The following DYNC2H1 variants were observed in gnomAD, a reference collection of about 807,000 sequenced individuals.
DYNC2H1 encodes the protein dynein cytoplasmic 2 heavy chain 1, also known as cytoplasmic dynein 2 heavy chain 1.
A neutral mutation model predicts 570.0 loss-of-function variants in DYNC2H1; 410 were observed. The ratio of observed to expected loss-of-function variants is 0.72; its 90% CI spans 0.66 to 0.78. DYNC2H1 has a LOEUF of 0.78. DYNC2H1 is among the 30% of genes least tolerant of loss of function. DYNC2H1 has a pLI of 0.00. For missense variants in DYNC2H1, 4,865 were observed against 5,046.4 expected (o/e 0.96, Z 1.09); for synonymous variants, 1,688 against 1,677.6 (o/e 1.01, Z -0.15).
chr11:103,392,022 G>A (rs921505996), intron 83 of DYNC2H1, among the ~76,000 whole-genome samples: 6 of 152,342 alleles, frequency 3.9e-5, no homozygotes, highest in African/African-American at 1.2e-4. Context: ...TCTCTTCAAA[G>A]CTGTCAGACA....
At chr11:103,358,393 T>C in intron 83 of DYNC2H1, 34 bp downstream of exon 83, 1 of 1,409,956 alleles carries the variant, frequency 7.1e-7, no homozygotes, top group Non-Finnish European at 9.8e-7. Context: ...ATTCTTTTGC[T>C]TTTTCTCCCG....
At position 103,157,630 on chromosome 11, in the gene DYNC2H1, A is replaced by G. The variant is rs770497738; in HGVS notation, c.4127+860A>G. Reference sequence around the variant, plus strand: ...TGTACAGAAGTATATCTGTACTTCTATTCTAATGTTCTGTATCTCTTACTT... The same window carrying G: ...TGTACAGAAGTATATCTGTACTTCTGTTCTAATGTTCTGTATCTCTTACTT... On this transcript the variant is annotated intron_variant, in intron 26 of 88. Coordinates refer to ENST00000375735, the MANE Select transcript of DYNC2H1 (RefSeq NM_001377.3). The surrounding 1 kb of genome is among the most constrained non-coding windows in gnomAD (Gnocchi z 4.2). Among the ~76,000 whole-genome samples, 1 of 152,218 alleles carries G rather than the reference A, an allele frequency of 6.6e-6. No homozygotes were observed. Among genetic ancestry groups the G allele is most frequent in the Non-Finnish European group, 1.5e-5 (1 of 68,020 alleles).
chr11:103,116,177 GGTT>G (rs1280326140), intron 4 of DYNC2H1, among the ~76,000 whole-genome samples: 1 of 152,014 alleles, frequency 6.6e-6, no homozygotes, highest in Non-Finnish European at 1.5e-5. Context: ...TCTGGACTGT[GGTT>G]GTGTTATTCT....
intron 75 of DYNC2H1, among the ~76,000 whole-genome samples, chr11:103,300,959 A>G (rs1867022223): frequency 6.6e-6 from 1 of 151,914 alleles, no homozygotes; most frequent in African/African-American, 2.4e-5. Flanking sequence ...ATTGTATAAT[A>G]CATGGTAATT....
chr11:103,139,902 T>A (rs1332743754), intron 17 of DYNC2H1, among the ~76,000 whole-genome samples: 1 of 152,236 alleles, frequency 6.6e-6, no homozygotes, highest in Non-Finnish European at 1.5e-5. Flanking sequence ...GGTGCTCCTG[T>A]ATTGAGTGCA....
In DYNC2H1 at chr11:103,275,661, TA is replaced by T; in HGVS notation, c.10696-4685del. 6.6e-6 allele frequency among the ~76,000 whole-genome samples: 1 copy of T among 152,218 alleles called. No individual in the cohort carries two copies. The highest frequency in any genetic ancestry group is 1.9e-4 in the East Asian group (1 of 5,200). On this transcript the variant is annotated intron_variant, in intron 70 of 88. Coordinates refer to ENST00000375735, the MANE Select transcript of DYNC2H1 (RefSeq NM_001377.3). This position sits in a 1 kb window ranked among gnomAD's most constrained non-coding sequence, Gnocchi z 4.8. Reference sequence around the variant, plus strand: ...CTTCTTTCACTTACTATTGTACGTTTAAGGTTCTTTCATGTTTTTTTCATGG... The same window carrying T: ...CTTCTTTCACTTACTATTGTACGTTTAGGTTCTTTCATGTTTTTTTCATGG...
At chr11:103,180,476 T>G (rs1591369047) in intron 39 of DYNC2H1, among the ~76,000 whole-genome samples, 1 of 151,654 alleles carries the variant, frequency 6.6e-6, no homozygotes, top group Non-Finnish European at 1.5e-5. Context: ...TGAAAATTGT[T>G]GGTGAATCAG....
In DYNC2H1 at chr11:103,113,686, A is replaced by G. The variant is rs768564016; in HGVS notation, c.345A>G (p.Val115=). 2 of 1,541,726 alleles carry G rather than the reference A, an allele frequency of 1.3e-6. No homozygotes were observed. Among genetic ancestry groups the G allele is most frequent in the Non-Finnish European group, 1.7e-6 (2 of 1,153,820 alleles). The change falls in exon 2 of 89, where the codon GTA becomes GTG. Residue 115 remains valine, a synonymous_variant. Transcript: ENST00000375735. ...ISSLYQAVRQ[V]FAPMLLKDQE... is the part of the protein sequence containing the mutation. ...CTCTTTACCAAGCAGTACGGCAAGT[A>G]TTCGCACCAATGTTGTTAAAGGTGA...
At chr11:103,258,352 A>T (rs72971590) in intron 69 of DYNC2H1, among the ~76,000 whole-genome samples, 165 of 152,354 alleles carry the variant, frequency 1.1e-3, no homozygotes, top group Non-Finnish European at 2.1e-3. Flanking sequence ...ACCACCTCCC[A>T]TATATGCACA....
At chr11:103,282,117 G>T in intron 71 of DYNC2H1, 62 bp from the exon 72 acceptor site, 1 of 1,503,054 alleles carries the variant, frequency 6.7e-7, no homozygotes, top group South Asian at 1.2e-5. Context: ...AGGAAAGTTA[G>T]ACAATTTTGT....
intron 78 of DYNC2H1, among the ~76,000 whole-genome samples, chr11:103,308,161 A>G (rs547796278): frequency 2.0e-5 from 3 of 152,316 alleles, no homozygotes; most frequent in East Asian, 1.9e-4. Flanking sequence ...TTGAAACTCT[A>G]TGACCATTGA....
intron 63 of DYNC2H1, among the ~76,000 whole-genome samples, chr11:103,240,567 C>CT (rs1400804729): frequency 2.0e-5 from 3 of 152,114 alleles, no homozygotes; most frequent in Non-Finnish European, 4.4e-5. Flanking sequence ...TGTCTCTTTA[C>CT]TTTTTTATTC....
At chr11:103,141,586 G>A (rs538822088) in intron 17 of DYNC2H1, among the ~76,000 whole-genome samples, 4 of 152,242 alleles carry the variant, frequency 2.6e-5, no homozygotes, top group East Asian at 1.9e-4. Flanking sequence ...AGGAGTACCC[G>A]GCCGTCTGAG....
intron 79 of DYNC2H1, among the ~76,000 whole-genome samples, chr11:103,316,279 A>G (rs1001930170): frequency 7.9e-5 from 12 of 152,006 alleles, no homozygotes; most frequent in Admixed American, 3.3e-4. Context: ...AAAATGTAGT[A>G]TATCAGTTTG....
rs1196670330 is a variant in DYNC2H1, at chr11:103,133,667, A to G, written c.2066A>G (p.Asn689Ser). The G allele has an allele frequency of 3.1e-6, 5 of 1,612,634 alleles. No homozygotes were observed. In the Admixed American group the frequency reaches 8.4e-5, roughly 27 times the overall value. Residue 689 changes from asparagine to serine, a missense_variant, in exon 14 of 89, where the codon AAT (asparagine) becomes AGT (serine). By Grantham distance (46) the Asn-to-Ser change is conservative. Transcript: ENST00000375735. This position sits in a 1 kb window ranked among gnomAD's most constrained non-coding sequence, Gnocchi z 4.8. ...QNAAERLATENRKLRKWHTTF... is the reference protein window; with the variant it reads ...QNAAERLATESRKLRKWHTTF... ...GCTGCTGAACGGCTTGCCACTGAAA[A>G]TAGAAAACTGAGAAAATGGCACACT...
intron 31 of DYNC2H1, 21 bp from the exon 32 acceptor site, chr11:103,168,734 A>T: frequency 6.2e-7 from 1 of 1,607,030 alleles, no homozygotes; most frequent in East Asian, 2.2e-5. Context: ...TCCAATTGTC[A>T]ATATTTTTAT....
chr11:103,338,402 C>A (rs1048111218), intron 82 of DYNC2H1, among the ~76,000 whole-genome samples: 2 of 151,804 alleles, frequency 1.3e-5, no homozygotes, highest in African/African-American at 4.8e-5. Flanking sequence ...TTTTCTATTT[C>A]TGTGAAGAAT....
At chr11:103,370,115 C>T (rs1052828255) in intron 83 of DYNC2H1, among the ~76,000 whole-genome samples, 14 of 152,166 alleles carry the variant, frequency 9.2e-5, no homozygotes, top group Non-Finnish European at 1.9e-4. Context: ...CCAGGTCAGG[C>T]AGCATTCACT....
chr11:103,155,528 A>G (rs1860777308), intron 25 of DYNC2H1, 27 bp downstream of exon 25: 1 of 1,587,056 alleles, frequency 6.3e-7, no homozygotes, highest in Non-Finnish European at 8.5e-7. Context: ...TAAATATCCC[A>G]TAAGTCTGGC....
Sources: gnomAD v4.1 joint callset for allele counts (sites outside exome capture counted in the v4.1 genomes callset) on GRCh38, gnomAD v4.1.1 for gene constraint, Gnocchi (gnomAD v3.1) non-coding constraint, MANE v1.5 for transcripts, NCBI Gene and HGNC (gene_info 2026-07-23, HGNC 2026-07-21) for gene names.